RIN2: variants seen among roughly 807,000 people sequenced by gnomAD.
The protein encoded by RIN2 is Ras and Rab interactor 2.
In RIN2, 36 loss-of-function variants were observed where a neutral mutation model predicts 78.0. The observed-to-expected ratio is 0.46, with a 90% CI of 0.35 to 0.61. The LOEUF (loss-of-function observed/expected upper bound fraction) is 0.61. RIN2 is among the 20% of genes least tolerant of loss of function. The probability of loss-of-function intolerance (pLI) is 0.00; values close to 1 mark genes in which losing one functional copy is unlikely to be tolerated. For missense variants in RIN2, 1,087 were observed against 1,159.7 expected (o/e 0.94, Z 0.91); for synonymous variants, 466 against 466.8 (o/e 1.00, Z 0.02).
At chr20:19,878,098 C>G (rs1342825666) in intron 2 of RIN2, among the ~76,000 whole-genome samples, 1 of 152,184 alleles carries the variant, frequency 6.6e-6, no homozygotes, top group African/African-American at 2.4e-5. Context: ...CAATAGTCCC[C>G]TAACACCTGA....
intron 6 of RIN2, among the ~76,000 whole-genome samples, chr20:19,963,906 CAGGCTAGAGTGCAGTG>C (rs2146272405): frequency 6.9e-6 from 1 of 144,104 alleles, no homozygotes; most frequent in East Asian, 2.2e-4. Flanking sequence ...CTCTGTCACC[CAGGCTAGAGTGCAGTG>C]GCTCTATCTT....
chr20:19,940,288 A>G (rs1181558251), intron 4 of RIN2, among the ~76,000 whole-genome samples: 5 of 152,178 alleles, frequency 3.3e-5, no homozygotes, highest in African/African-American at 1.2e-4. Flanking sequence ...TATTTGTTGA[A>G]TGGATAAAGG....
intron 2 of RIN2, among the ~76,000 whole-genome samples, chr20:19,808,494 G>A (rs1034583049): frequency 1.3e-5 from 2 of 152,210 alleles, no homozygotes; most frequent in African/African-American, 4.8e-5. Context: ...TCCACTCCCC[G>A]AAGGCCCTGT....
At chr20:19,851,545 C>G (rs546471015) in intron 2 of RIN2, among the ~76,000 whole-genome samples, 1 of 152,004 alleles carries the variant, frequency 6.6e-6, no homozygotes, top group Non-Finnish European at 1.5e-5. Context: ...TGCAACATAA[C>G]GAGACTTCAT....
chr20:19,864,843 T>A (rs976945063), intron 2 of RIN2, among the ~76,000 whole-genome samples: 6 of 152,238 alleles, frequency 3.9e-5, no homozygotes, highest in African/African-American at 7.2e-5. Context: ...AGACAAATTT[T>A]ATTTGTAAAT....
chr20:19,959,724 A>G lies in RIN2; in HGVS notation c.352-976A>G, dbSNP rs868224618. 3.3e-5 allele frequency among the ~76,000 whole-genome samples: 5 copies of G among 152,344 alleles called. No homozygotes were observed. The South Asian group carries it at 8.3e-4, about 25-fold the overall frequency. ...AAATGCAGAGGAAAGAGAAGTAGCT[A>G]AAGAAGCATGACAGACAGAATAGGA... On this transcript the variant is annotated intron_variant, in intron 5 of 12. Transcript: ENST00000255006.
chr20:20,001,188 T>G lies in RIN2; in HGVS notation c.*252T>G. On this transcript the variant is annotated 3_prime_UTR_variant, in exon 13 of 13. Transcript: ENST00000255006. ...ATGGTTCAAGTGTCCTGAGATTGTT[T>G]GCTACCTACCCCCAGTCAGGTTCTA... is the stretch of plus-strand genomic sequence containing the variant. 2.1e-6 allele frequency: 1 copy of G among 480,260 alleles called. No individual in the cohort carries two copies. The allele number at this position is 480,260 out of a possible 1,614,324, so 29.7% of individuals were successfully genotyped here.
At position 19,975,424 on chromosome 20, in the gene RIN2, G is replaced by C. The variant is rs760512543; in HGVS notation, c.1399G>C (p.Glu467Gln). The C allele has an allele frequency of 1.9e-6, 3 of 1,614,088 alleles. No homozygotes were observed. Among genetic ancestry groups the C allele is most frequent in the Non-Finnish European group, 2.5e-6 (3 of 1,179,908 alleles). The change falls in exon 9 of 13, where the codon GAA (glutamate) becomes CAA (glutamine). Residue 467 changes from glutamate (E) to glutamine (Q), a missense_variant. This residue lies in a region of RIN2 where 706 missense variants were observed against 667.5 expected (regional missense o/e 1.06). Transcript: ENST00000255006. The surrounding 1 kb of genome is among the most constrained non-coding windows in gnomAD (Gnocchi z 4.9). ...CAGCAGCCTGGAGGACTACGAGGGG[G>C]AAAGTGACCAAGAGACCATGGCGCC... ...TNSSLEDYEG[E>Q]SDQETMAPPI...
intron 1 of RIN2, among the ~76,000 whole-genome samples, chr20:19,798,497 T>TG (rs1192400572): frequency 1.3e-5 from 2 of 151,802 alleles, no homozygotes; most frequent in South Asian, 2.1e-4. Flanking sequence ...AGGAAAGCAG[T>TG]GGGAAAAAAA....
intron 3 of RIN2, among the ~76,000 whole-genome samples, chr20:19,907,039 G>A (rs1263519763): frequency 1.3e-5 from 2 of 152,150 alleles, no homozygotes; most frequent in Admixed American, 6.5e-5. Flanking sequence ...TGCATTTTGC[G>A]GGGGCCTTCT....
intron 1 of RIN2, among the ~76,000 whole-genome samples, chr20:19,794,627 G>A (rs972806312): frequency 6.6e-6 from 1 of 150,860 alleles, no homozygotes; most frequent in African/African-American, 2.4e-5. Context: ...CAAAATATGT[G>A]GAAAAATAAG....
At chr20:19,920,403 T>G (rs1370090151) in intron 3 of RIN2, among the ~76,000 whole-genome samples, 2 of 152,148 alleles carry the variant, frequency 1.3e-5, no homozygotes. Context: ...TGGTGCCATC[T>G]GTGACTGCCA....
At chr20:19,807,183 T>C (rs2035437155) in intron 2 of RIN2, among the ~76,000 whole-genome samples, 1 of 152,234 alleles carries the variant, frequency 6.6e-6, no homozygotes, top group Non-Finnish European at 1.5e-5. Context: ...CACACTGACA[T>C]TTTTGTATTA....
chr20:19,841,944 A>C (rs968758826), intron 2 of RIN2, among the ~76,000 whole-genome samples: 1 of 152,242 alleles, frequency 6.6e-6, no homozygotes, highest in Non-Finnish European at 1.5e-5. Flanking sequence ...TTCATTGTAG[A>C]TGAAACAGCC....
intron 1 of RIN2, among the ~76,000 whole-genome samples, chr20:19,767,187 T>C (rs1198816152): frequency 6.6e-6 from 1 of 152,160 alleles, no homozygotes; most frequent in African/African-American, 2.4e-5. Flanking sequence ...CGTGTAGAAA[T>C]GTGACTGGAC....
intron 1 of RIN2, among the ~76,000 whole-genome samples, chr20:19,795,910 C>A (rs995285554): frequency 1.3e-5 from 2 of 151,978 alleles, no homozygotes; most frequent in South Asian, 2.1e-4. Context: ...TTCAAATAGA[C>A]AAAATGGCAC....
chr20:19,904,237 A>AAAAAAAATATATATATATATATAT (rs1555787851), intron 3 of RIN2, among the ~76,000 whole-genome samples: 9 of 95,070 alleles, frequency 9.5e-5, no homozygotes, highest in African/African-American at 2.9e-4. Flanking sequence ...GTCTCAAAAA[A>AAAAAAAATATATATATATATATAT]AAAATATATA....
chr20:19,817,961 A>C (rs987547662), intron 2 of RIN2, among the ~76,000 whole-genome samples: 3 of 152,226 alleles, frequency 2.0e-5, no homozygotes, highest in African/African-American at 7.2e-5. Context: ...GATGGGGTAC[A>C]TTCTGAGAAA....
chr20:19,771,486 G>A (rs2034120061), intron 1 of RIN2, among the ~76,000 whole-genome samples: 1 of 152,122 alleles, frequency 6.6e-6, no homozygotes, highest in African/African-American at 2.4e-5. Flanking sequence ...CCCTGCTGAA[G>A]CACACTTCCC....
Sources: allele counts gnomAD v4.1 joint callset (sites outside exome capture counted in the v4.1 genomes callset), GRCh38; gene constraint gnomAD v4.1.1; regional missense constraint gnomAD v4.1.1; non-coding constraint Gnocchi (gnomAD v3.1); transcripts MANE v1.5; gene names NCBI Gene and HGNC (gene_info 2026-07-23, HGNC 2026-07-21).